The following PRKG1 variants were observed in gnomAD, a reference collection of about 807,000 sequenced individuals.
The protein encoded by PRKG1 is cGMP-dependent protein kinase 1.
A neutral mutation model predicts 88.1 loss-of-function variants in PRKG1; 35 were observed. That is an observed-to-expected ratio of 0.40 (90% CI 0.30 to 0.53). The LOEUF (loss-of-function observed/expected upper bound fraction) is 0.53. Among genes scored for constraint, PRKG1 ranks in the 20% least tolerant of loss-of-function variants. The pLI is 0.59. For missense variants in PRKG1, 540 were observed against 839.8 expected (o/e 0.64, Z 4.41); for synonymous variants, 303 against 292.5 (o/e 1.04, Z -0.37).
intron 1 of PRKG1, among the ~76,000 whole-genome samples, chr10:51,047,673 A>G (rs888227010): frequency 5.3e-5 from 8 of 151,512 alleles, no homozygotes; most frequent in African/African-American, 1.9e-4. Context: ...GTCCTCCATG[A>G]CAGTCATCTT....
intron 9 of PRKG1, among the ~76,000 whole-genome samples, chr10:52,195,366 A>C (rs951202578): frequency 6.6e-6 from 1 of 152,214 alleles, no homozygotes; most frequent in African/African-American, 2.4e-5. Context: ...CTATAATCAA[A>C]GAGCATGCAT....
intron 4 of PRKG1, among the ~76,000 whole-genome samples, chr10:51,891,054 G>C (rs1267817507): frequency 6.6e-6 from 1 of 151,900 alleles, no homozygotes; most frequent in Non-Finnish European, 1.5e-5. Flanking sequence ...TTGAACTTAG[G>C]AGTTTGACAT....
chr10:51,749,771 T>A (rs1288501430), intron 3 of PRKG1, among the ~76,000 whole-genome samples: 1 of 152,194 alleles, frequency 6.6e-6, no homozygotes, highest in East Asian at 1.9e-4. Flanking sequence ...GGAAGAATCA[T>A]TTATAATTCT....
At chr10:51,147,442 A>G (rs1265454024) in intron 1 of PRKG1, among the ~76,000 whole-genome samples, 4 of 47,788 alleles carry the variant, frequency 8.4e-5, no homozygotes, top group African/African-American at 4.2e-4. Context: ...GTAAAAGGAA[A>G]AAAAAAACGA....
At chr10:51,357,960 ATTTTT>A (rs922733351) in intron 2 of PRKG1, among the ~76,000 whole-genome samples, 10 of 151,498 alleles carry the variant, frequency 6.6e-5, no homozygotes, top group Non-Finnish European at 1.2e-4. Context: ...GGATTTCTAG[ATTTTT>A]TTTTAAGTTA....
intron 9 of PRKG1, among the ~76,000 whole-genome samples, chr10:52,245,748 A>G (rs1171729713): frequency 1.4e-5 from 2 of 140,082 alleles, no homozygotes; most frequent in Non-Finnish European, 3.1e-5. Context: ...TGTTAACACC[A>G]TTTTATTTAT....
chr10:51,862,675 C>G (rs1340902774), intron 4 of PRKG1, among the ~76,000 whole-genome samples: 1 of 152,146 alleles, frequency 6.6e-6, no homozygotes, highest in African/African-American at 2.4e-5. Context: ...ATACTCTACT[C>G]AGAACTGGCA....
At chr10:51,068,978 T>TG (rs1287793918) in intron 1 of PRKG1, among the ~76,000 whole-genome samples, 2 of 151,992 alleles carry the variant, frequency 1.3e-5, no homozygotes, top group African/African-American at 4.8e-5. Flanking sequence ...TTTTTTCTTT[T>TG]GGCTATTGTA....
chr10:51,134,537 CA>C (rs1241462296), intron 1 of PRKG1, among the ~76,000 whole-genome samples: 1 of 152,032 alleles, frequency 6.6e-6, no homozygotes, highest in Non-Finnish European at 1.5e-5. Context: ...TAAACTGCAC[CA>C]TGAATGTGGA....
chr10:52,018,229 A>G (rs1845093283), intron 5 of PRKG1, among the ~76,000 whole-genome samples: 1 of 152,206 alleles, frequency 6.6e-6, no homozygotes, highest in Non-Finnish European at 1.5e-5. Flanking sequence ...CCTTGATAGG[A>G]ATGATTTAAT....
intron 7 of PRKG1, among the ~76,000 whole-genome samples, chr10:52,133,621 T>C (rs942166945): frequency 2.6e-5 from 4 of 152,096 alleles, no homozygotes; most frequent in Non-Finnish European, 5.9e-5. Flanking sequence ...AATTTGAAAA[T>C]TGCAACTACT....
chr10:51,924,893 C>A (rs553955048), intron 5 of PRKG1, among the ~76,000 whole-genome samples: 6 of 149,994 alleles, frequency 4.0e-5, no homozygotes, highest in East Asian at 3.9e-4. Flanking sequence ...TCTTTTGATT[C>A]TTTCCTAGAG....
chr10:52,102,326 G>A lies in PRKG1; in HGVS notation c.936-31514G>A, dbSNP rs1283682494. Among the ~76,000 whole-genome samples, 4 of 152,158 alleles carry A rather than the reference G, an allele frequency of 2.6e-5. No individual in the cohort carries two copies. The East Asian group carries it at 5.8e-4, about 22-fold the overall frequency. ...GCCTCTAGACCAGGAGTCACATGAC[G>A]TTTAAGGCACAAACATCACAACCAT... On this transcript the variant is annotated intron_variant, in intron 7 of 17. Coordinates refer to ENST00000373980, the MANE Select transcript of PRKG1 (RefSeq NM_006258.4).
In PRKG1 at chr10:52,105,993, C is replaced by T. The variant is rs151006435; in HGVS notation, c.936-27847C>T. On this transcript the variant is annotated intron_variant, in intron 7 of 17. Transcript: ENST00000373980. Reference sequence around the variant, plus strand: ...CCCCTCCCACTCTTCCCACTGAGTCCCCAAAGTTCATTGTATCCTTCTTAT... The same window carrying T: ...CCCCTCCCACTCTTCCCACTGAGTCTCCAAAGTTCATTGTATCCTTCTTAT... Among the ~76,000 whole-genome samples, 1,111 of 152,172 alleles carry T rather than the reference C, an allele frequency of 7.3e-3. 52 individuals are homozygous for T. Among genetic ancestry groups the T allele is most frequent in the Admixed American group, 0.064 (977 of 15,268 alleles).
chr10:51,186,937 T>C (rs1837501849), intron 2 of PRKG1, among the ~76,000 whole-genome samples: 1 of 141,688 alleles, frequency 7.1e-6, no homozygotes, highest in South Asian at 2.2e-4. Context: ...TAAAAATGAG[T>C]TTTGCAAGGC....
Position 51,436,608 on chromosome 10 carries a change from G to A in PRKG1, c.479-31115G>A, listed in dbSNP as rs140302233. The stretch of plus-strand genomic sequence containing the variant: ...GTTCTTAAAAGGGAACAGAGGGACT[G>A]AGAGCACACTAATCTCAAGGCAGCC... On this transcript the variant is annotated intron_variant, in intron 2 of 17. Coordinates refer to ENST00000373980, the MANE Select transcript of PRKG1 (RefSeq NM_006258.4). Among the ~76,000 whole-genome samples the A allele has an allele frequency of 7.7e-3, 1,177 of 152,126 alleles. 4 individuals carry two copies. Among genetic ancestry groups the A allele is most frequent in the Non-Finnish European group, 0.013 (852 of 67,942 alleles).
intron 4 of PRKG1, among the ~76,000 whole-genome samples, chr10:51,816,043 T>C (rs1564658457): frequency 6.6e-6 from 1 of 152,230 alleles, no homozygotes; most frequent in Non-Finnish European, 1.5e-5. Context: ...CACACATTAT[T>C]ATCTCACTTA....
At chr10:51,311,225 G>T (rs749663511) in intron 2 of PRKG1, among the ~76,000 whole-genome samples, 1 of 152,182 alleles carries the variant, frequency 6.6e-6, no homozygotes, top group Non-Finnish European at 1.5e-5. Context: ...TCTCATGAGG[G>T]TGTTTATTAC....
At chr10:51,218,530 T>TAA (rs60498476) in intron 2 of PRKG1, among the ~76,000 whole-genome samples, 2 of 62,570 alleles carry the variant, frequency 3.2e-5, no homozygotes, top group South Asian at 9.0e-4. Context: ...TATATATATA[T>TAA]AAAATGTGTG....
Sources: allele counts gnomAD v4.1 joint callset (sites outside exome capture counted in the v4.1 genomes callset), GRCh38; gene constraint gnomAD v4.1.1; transcripts MANE v1.5; gene names NCBI Gene and HGNC (gene_info 2026-07-23, HGNC 2026-07-21).